The following IGF2R variants were observed in gnomAD, a reference collection of about 807,000 sequenced individuals.
The protein encoded by IGF2R is cation-independent mannose-6-phosphate receptor.
IGF2R carries 91 observed loss-of-function variants against 270.6 expected under a neutral mutation model. That is an observed-to-expected ratio of 0.34 (90% confidence interval 0.28 to 0.40). The LOEUF (loss-of-function observed/expected upper bound fraction) is 0.40. IGF2R is among the 10% of genes least tolerant of loss of function. IGF2R has a pLI of 1.00. For synonymous variants in IGF2R, 1,316 were observed against 1,258.9 expected (o/e 1.05, Z -0.96); for missense variants, 2,805 against 3,188.3 (o/e 0.88, Z 2.90).
rs761391439 is a variant in IGF2R, at chr6:160,073,819, T to G, written c.5010T>G (p.Thr1670=). Residue 1670 remains threonine (T), a synonymous_variant, in exon 35 of 48, where the codon ACT becomes ACG. Transcript: ENST00000356956. ...IVDLSPLIHR[T]GGYEAYDESE... ...ACTTGTCTCCCCTTATTCATCGCAC[T>G]GGTGGTTATGAGGCTTATGATGAGA... 1.4e-5 allele frequency: 23 copies of G among 1,614,046 alleles called. No homozygotes were observed. The highest frequency in any genetic ancestry group is 1.5e-5 in the Non-Finnish European group (18 of 1,180,002).
Position 160,050,634 on chromosome 6 carries a change from C to T in IGF2R, c.2676C>T (p.Val892=). 1 of 1,608,202 alleles carries T rather than the reference C, an allele frequency of 6.2e-7. No individual in the cohort carries two copies. Among genetic ancestry groups the T allele is most frequent in the Non-Finnish European group, 8.5e-7 (1 of 1,175,320 alleles). The change falls in exon 19 of 48, where the codon GTC becomes GTT. Residue 892 remains valine (V), a synonymous_variant. Transcript: ENST00000356956. This position sits in a 1 kb window ranked among gnomAD's most constrained non-coding sequence, Gnocchi z 4.0. The part of the protein sequence containing the change: ...QTTYTTRIHL[V]CSRGRLNSHP... ...CATATACCACGAGGATCCATCTCGT[C>T]TGCTCCAGGGGCAGGCTGGTAAGGC...
chr6:160,048,041 T>C (rs1778108536), intron 17 of IGF2R, 134 bp downstream of exon 17: 3 of 698,184 alleles, frequency 4.3e-6, no homozygotes, highest in Non-Finnish European at 7.7e-6. Context: ...AGGTGGGGCA[T>C]TTTCAGCAGA....
At chr6:160,074,782 C>T (rs1204671111) in intron 35 of IGF2R, among the ~76,000 whole-genome samples, 2 of 152,080 alleles carry the variant, frequency 1.3e-5, no homozygotes, top group African/African-American at 4.8e-5. Flanking sequence ...TTATATGTGG[C>T]AGTGATATGG....
Position 160,076,698 on chromosome 6 carries a change from T to C in IGF2R, c.5316+702T>C, listed in dbSNP as rs9457824. 2.3e-3 allele frequency among the ~76,000 whole-genome samples: 353 copies of C among 152,346 alleles called. 1 individual carries two copies. Among genetic ancestry groups the C allele is most frequent in the African/African-American group, 8.4e-3 (350 of 41,580 alleles). ...CAGCACCACAGCCTGTCGTCTGTGC[T>C]TCTGAAATCTCTGAAGCTCTGAAAA... On this transcript the variant is annotated intron_variant, in intron 36 of 47. Coordinates refer to ENST00000356956, the MANE Select transcript of IGF2R (RefSeq NM_000876.4).
chr6:160,034,697 C>T (rs978766731), intron 10 of IGF2R, among the ~76,000 whole-genome samples, 175 bp downstream of exon 10: 11 of 152,134 alleles, frequency 7.2e-5, no homozygotes, highest in African/African-American at 2.7e-4. Flanking sequence ...AACACTTTCC[C>T]CACCCCCACT....
chr6:160,068,157 T>TGCCTGAATACTTGAAC lies in IGF2R; in HGVS notation c.4116-90_4116-75dup, dbSNP rs1443630916. 8 of 1,441,300 alleles carry TGCCTGAATACTTGAAC rather than the reference T, an allele frequency of 5.6e-6. No homozygotes were observed. The East Asian group carries it at 1.8e-4, about 33-fold the overall frequency. The allele number at this position is 1,441,300 out of a possible 1,614,324, so 89.3% of individuals were successfully genotyped here. ...CTAAAGTTCTGTCAGGCTTAGACTA[T>TGCCTGAATACTTGAAC]GCCTGAATACTTGAACGTTTCTAGA... On this transcript the variant is annotated intron_variant, in intron 29 of 47. Coordinates refer to ENST00000356956, the MANE Select transcript of IGF2R (RefSeq NM_000876.4).
In IGF2R at chr6:160,044,435, T is replaced by G. The variant is rs1022648217; in HGVS notation, c.1622-79T>G. The G allele has an allele frequency of 2.6e-5, 31 of 1,181,332 alleles. No individual in the cohort carries two copies. The African/African-American group carries it at 4.1e-4, about 16-fold the overall frequency. 73.2% of individuals were successfully genotyped at this position (1,181,332 alleles called of 1,614,324 possible). A position where few individuals can be genotyped will look rare whatever the true frequency, so the allele number is the denominator to read the frequency against. Reference sequence around the variant, plus strand: ...CTTTCTTTCTTTCTCTTTCTTTCTTTTTTTTTTAAGTCACTTCTTTGTCTG... The same window carrying G: ...CTTTCTTTCTTTCTCTTTCTTTCTTGTTTTTTTAAGTCACTTCTTTGTCTG... On this transcript the variant is annotated intron_variant, in intron 12 of 47. Coordinates refer to ENST00000356956, the MANE Select transcript of IGF2R (RefSeq NM_000876.4).
At chr6:160,099,828 A>C (rs576673413) in intron 45 of IGF2R, among the ~76,000 whole-genome samples, 1 of 152,346 alleles carries the variant, frequency 6.6e-6, no homozygotes, top group Admixed American at 6.5e-5. Context: ...GGGGTGGCAG[A>C]GTTCCCAGCT....
intron 2 of IGF2R, chr6:160,007,742 G>A (rs1177323576): frequency 1.3e-5 from 2 of 152,204 alleles, no homozygotes; most frequent in Non-Finnish European, 2.9e-5. Flanking sequence ...GCATGTGAAT[G>A]TGTATGTAGA....
chr6:160,027,640 G>C (rs1011654873), intron 6 of IGF2R, among the ~76,000 whole-genome samples: 7 of 152,210 alleles, frequency 4.6e-5, no homozygotes, highest in Non-Finnish European at 1.5e-5. Flanking sequence ...CCGTGAAATT[G>C]ATTTTGTGTC....
At chr6:160,098,134 C>T (rs942051934) in intron 45 of IGF2R, among the ~76,000 whole-genome samples, 6 of 152,178 alleles carry the variant, frequency 3.9e-5, no homozygotes, top group African/African-American at 9.7e-5. Context: ...ATGAATCCTG[C>T]CTCCTGACAT....
Position 160,044,577 on chromosome 6 carries a change from T to C in IGF2R, c.1685T>C (p.Ile562Thr), listed in dbSNP as rs1778026613. Reference protein sequence around the residue: ...ISSPMKEKGNIQLSYSDGDDC... With the variant: ...ISSPMKEKGNTQLSYSDGDDC... The stretch of plus-strand genomic sequence containing the variant: ...TCTCCCATGAAAGAGAAAGGAAACA[T>C]TCAACTCTCTTATTCAGATGGTGAT... Residue 562 changes from isoleucine (I) to threonine (T), a missense_variant, in exon 13 of 48, where the codon ATT (isoleucine) becomes ACT (threonine). Physicochemically the swap from Ile to Thr is moderately conservative, Grantham distance 89. This residue lies in a region of IGF2R where 954 missense variants were observed against 981.1 expected (regional missense o/e 0.97). Coordinates refer to ENST00000356956, the MANE Select transcript of IGF2R (RefSeq NM_000876.4). 6.2e-7 allele frequency: 1 copy of C among 1,608,128 alleles called. No homozygotes were observed.
chr6:160,065,957 G>A (rs1180144815), intron 29 of IGF2R, among the ~76,000 whole-genome samples: 1 of 147,592 alleles, frequency 6.8e-6, no homozygotes, highest in Non-Finnish European at 1.5e-5. Context: ...TCCTGTCTCA[G>A]CATCCCTAGT....
chr6:160,035,502 G>T (rs1777800133), intron 10 of IGF2R, among the ~76,000 whole-genome samples: 1 of 152,206 alleles, frequency 6.6e-6, no homozygotes, highest in South Asian at 2.1e-4. Context: ...AGCAGGCAAA[G>T]AACCAGCCCA....
intron 10 of IGF2R, among the ~76,000 whole-genome samples, chr6:160,035,754 A>C (rs570716689): frequency 2.0e-5 from 3 of 152,258 alleles, no homozygotes; most frequent in Admixed American, 1.3e-4. Context: ...AGCAGCAGAG[A>C]GAGATAAGGA....
At chr6:160,091,769 A>G (rs537197682) in intron 44 of IGF2R, among the ~76,000 whole-genome samples, 1 of 152,348 alleles carries the variant, frequency 6.6e-6, no homozygotes, top group South Asian at 2.1e-4. Context: ...ATCTTGATTA[A>G]AGGAAGGAAG....
chr6:160,057,883 T>C (rs1778347423), intron 20 of IGF2R, 140 bp from the exon 21 acceptor site: 1 of 604,814 alleles, frequency 1.7e-6, no homozygotes, highest in Admixed American at 2.8e-5. Context: ...GGCTACATTT[T>C]TGATAGGGAT....
chr6:160,096,625 GGTGA>G lies in IGF2R; in HGVS notation c.6842+3_6842+6del. The G allele has an allele frequency of 6.2e-7, 1 of 1,609,274 alleles. No individual in the cohort carries two copies. Among genetic ancestry groups the G allele is most frequent in the Non-Finnish European group, 8.5e-7 (1 of 1,177,000 alleles). ...TACACCTCAGCCGTGTGTCCTCTGGGGTGAGTATGACATCCGGAAGCTTAGCACT... is the reference window on the plus strand; with the variant it reads ...TACACCTCAGCCGTGTGTCCTCTGGGGTATGACATCCGGAAGCTTAGCACT... On this transcript the variant is annotated splice_donor_variant and splice_donor_region_variant and intron_variant, in intron 45 of 47. Coordinates refer to ENST00000356956, the MANE Select transcript of IGF2R (RefSeq NM_000876.4). LOFTEE classifies it high-confidence loss of function.
At chr6:160,025,453 A>G (rs1157949247) in intron 5 of IGF2R, among the ~76,000 whole-genome samples, 1 of 152,214 alleles carries the variant, frequency 6.6e-6, no homozygotes, top group African/African-American at 2.4e-5. Flanking sequence ...CTCAAATAGT[A>G]CATAATGCTT....
Sources: allele counts gnomAD v4.1 joint callset (sites outside exome capture counted in the v4.1 genomes callset), GRCh38; gene constraint gnomAD v4.1.1; regional missense constraint gnomAD v4.1.1; non-coding constraint Gnocchi (gnomAD v3.1); transcripts MANE v1.5; gene names NCBI Gene and HGNC (gene_info 2026-07-23, HGNC 2026-07-21).